Variants in WHR1 observed in about 807,000 individuals in gnomAD.
WHR1 encodes the protein MHC class III HLA-RP1.
At chr6:31,979,903 CA>C in the WHR1 span, 22 of 212,014 alleles carry the variant, frequency 1.0e-4, no homozygotes, top group East Asian at 3.2e-4. Flanking sequence ...CACATTAAAA[CA>C]AAAAAAACCC....
the WHR1 span, chr6:31,979,439 C>T: frequency 8.7e-6 from 14 of 1,612,866 alleles, no homozygotes; most frequent in Middle Eastern, 1.7e-4. Context: ...GATGGCCGAC[C>T]GTATGCTGGG....
chr6:31,976,689 A>G, the WHR1 span, among the ~76,000 whole-genome samples: 1 of 152,218 alleles, frequency 6.6e-6, no homozygotes, highest in Non-Finnish European at 1.5e-5. Context: ...AGGCCAAGGC[A>G]GGCGGCTGGG....
At chr6:31,976,627 C>A in the WHR1 span, among the ~76,000 whole-genome samples, 1 of 152,232 alleles carries the variant, frequency 6.6e-6, no homozygotes, top group Non-Finnish European at 1.5e-5. Context: ...ACGCCCCTCA[C>A]TTCCCAGACG....
the WHR1 span, among the ~76,000 whole-genome samples, chr6:31,978,429 A>G: frequency 6.6e-6 from 1 of 152,210 alleles, no homozygotes; most frequent in African/African-American, 2.4e-5. Flanking sequence ...GAGCCACTGT[A>G]CCTGGTCTTA....
chr6:31,976,496 C>A, the WHR1 span, among the ~76,000 whole-genome samples: 2 of 152,088 alleles, frequency 1.3e-5, no homozygotes, highest in East Asian at 3.9e-4. Flanking sequence ...AGCGGCCGGG[C>A]AGAGACGCTC....
the WHR1 span, among the ~76,000 whole-genome samples, chr6:31,974,460 G>A: frequency 6.6e-6 from 1 of 152,184 alleles, no homozygotes; most frequent in African/African-American, 2.4e-5. Context: ...GCTCATGCCT[G>A]TACTCCCACC....
chr6:31,971,583 T>C, the WHR1 span: 1 of 1,614,016 alleles, frequency 6.2e-7, no homozygotes, highest in Non-Finnish European at 8.5e-7. This position sits in a 1 kb window ranked among gnomAD's most constrained non-coding sequence, Gnocchi z 4.5. Flanking sequence ...GGGCAGGGTC[T>C]GTGGGCAGAG....
the WHR1 span, chr6:31,971,308 C>T: frequency 1.3e-6 from 2 of 1,538,522 alleles, no homozygotes; most frequent in Non-Finnish European, 1.8e-6. This position sits in a 1 kb window ranked among gnomAD's most constrained non-coding sequence, Gnocchi z 4.5. Context: ...CTGCCTACCA[C>T]GCTTTGCTCA....
the WHR1 span, chr6:31,971,183 C>G: frequency 1.9e-6 from 3 of 1,603,694 alleles, no homozygotes; most frequent in Middle Eastern, 1.7e-4. This position sits in a 1 kb window ranked among gnomAD's most constrained non-coding sequence, Gnocchi z 4.5. Context: ...AGGTCTGACA[C>G]AAGCATTAGT....
the WHR1 span, chr6:31,980,156 T>C: frequency 2.4e-6 from 1 of 424,286 alleles, no homozygotes; most frequent in African/African-American, 2.0e-5. Flanking sequence ...TAAGACCGAA[T>C]GTGTGTCAGG....
chr6:31,972,110 G>A, the WHR1 span: 1 of 1,612,962 alleles, frequency 6.2e-7, no homozygotes, highest in Non-Finnish European at 8.5e-7. This position sits in a 1 kb window ranked among gnomAD's most constrained non-coding sequence, Gnocchi z 6.3. Context: ...ACACCAACGT[G>A]GCCACCGGCG....
chr6:31,972,853 G>C, the WHR1 span: 4 of 1,574,978 alleles, frequency 2.5e-6, no homozygotes, highest in East Asian at 2.3e-5. The surrounding 1 kb of genome is among the most constrained non-coding windows in gnomAD (Gnocchi z 6.3). Context: ...CAAGCATTAG[G>C]CCTTTCAGGC....
the WHR1 span, chr6:31,972,723 T>C: frequency 1.2e-6 from 2 of 1,613,556 alleles, no homozygotes; most frequent in Non-Finnish European, 1.7e-6. The surrounding 1 kb of genome is among the most constrained non-coding windows in gnomAD (Gnocchi z 6.3). Context: ...GTGTACAGCC[T>C]TGTGCCTGAC....
chr6:31,980,231 G>A, the WHR1 span: 2 of 512,540 alleles, frequency 3.9e-6, no homozygotes, highest in Non-Finnish European at 6.9e-6. Flanking sequence ...AAGAAAAAGT[G>A]GAGGGAGGGC....
the WHR1 span, among the ~76,000 whole-genome samples, chr6:31,974,016 G>T: frequency 2.0e-5 from 3 of 152,170 alleles, no homozygotes; most frequent in Non-Finnish European, 2.9e-5. Flanking sequence ...CGGCGCGGTG[G>T]CTCACACCTG....
the WHR1 span, among the ~76,000 whole-genome samples, chr6:31,977,467 G>C: frequency 1.3e-5 from 2 of 150,408 alleles, no homozygotes; most frequent in Non-Finnish European, 3.0e-5. Flanking sequence ...TCAGCCTCCC[G>C]AGTAGCTGGG....
chr6:31,979,724 A>C, the WHR1 span: 1 of 825,640 alleles, frequency 1.2e-6, no homozygotes, highest in Non-Finnish European at 1.8e-6. Context: ...CCCACAAGAG[A>C]GGAGGCCTAT....
the WHR1 span, chr6:31,973,027 C>T: frequency 1.5e-6 from 1 of 687,854 alleles, no homozygotes; most frequent in South Asian, 1.5e-5. Context: ...AGTCAGACGT[C>T]AGATCATGAC....
the WHR1 span, chr6:31,978,871 G>A: frequency 8.7e-6 from 14 of 1,604,892 alleles, no homozygotes; most frequent in African/African-American, 1.1e-4. Context: ...ACCCTGATAC[G>A]CCTCTTTTCA....
Sources: gnomAD v4.1 joint callset for allele counts (sites outside exome capture counted in the v4.1 genomes callset) on GRCh38, gnomAD v4.1.1 for gene constraint, Gnocchi (gnomAD v3.1) non-coding constraint, MANE v1.5 for transcripts, NCBI Gene and HGNC (gene_info 2026-07-23, HGNC 2026-07-21) for gene names.